The following SLC45A4 variants were observed in gnomAD, a reference collection of about 807,000 sequenced individuals.
SLC45A4 encodes polyamine-transporter SLC45A4.
Under a neutral mutation model 63.7 loss-of-function variants are expected in SLC45A4, and 32 were observed. The observed-to-expected ratio is 0.50, with a 90% CI of 0.38 to 0.67. SLC45A4 has a LOEUF of 0.67. SLC45A4 is among the 30% of genes least tolerant of loss of function. The probability of loss-of-function intolerance (pLI) is 0.00; values close to 1 mark genes in which losing one functional copy is unlikely to be tolerated. For missense variants in SLC45A4, 1,027 were observed against 1,157.7 expected, an observed-to-expected ratio of 0.89 and a Z score of 1.64; for synonymous variants, 535 against 510.0, an observed-to-expected ratio of 1.05 and a Z score of -0.66.
chr8:141,215,637 G>A lies in SLC45A4; in HGVS notation c.1941+122C>T. Reference sequence around the variant, plus strand: ...TTTGGAAGGGGCCATCTCAGAACCGGAGAGGAAGGAGGGCCATCTGTGTCG... The same window carrying A: ...TTTGGAAGGGGCCATCTCAGAACCGAAGAGGAAGGAGGGCCATCTGTGTCG... On this transcript the variant is annotated intron_variant, in intron 7 of 8. Coordinates refer to ENST00000517878, the MANE Select transcript of SLC45A4 (RefSeq NM_001286646.2). The surrounding 1 kb of genome is among the most constrained non-coding windows in gnomAD (Gnocchi z 4.3). The A allele has an allele frequency of 1.0e-6, 1 of 984,520 alleles. No individual in the cohort carries two copies. The highest frequency in any genetic ancestry group is 1.5e-6 in the Non-Finnish European group (1 of 655,370). 61.0% of individuals were successfully genotyped at this position (984,520 alleles called of 1,614,324 possible).
At chr8:141,283,911 G>A (rs537732427) in intron 1 of SLC45A4, among the ~76,000 whole-genome samples, 21 of 152,254 alleles carry the variant, frequency 1.4e-4, no homozygotes, top group Non-Finnish European at 2.4e-4. Context: ...TGAGCTCTAC[G>A]GAAGGAGAGT....
At chr8:141,264,411 G>A (rs1488323429) in intron 1 of SLC45A4, among the ~76,000 whole-genome samples, 3 of 152,152 alleles carry the variant, frequency 2.0e-5, no homozygotes, top group Non-Finnish European at 4.4e-5. Context: ...ACCTAGCCGC[G>A]GGAGGCAGAG....
intron 4 of SLC45A4, 117 bp from the exon 5 acceptor site, chr8:141,219,146 G>C (rs1826417551): frequency 8.3e-7 from 1 of 1,199,872 alleles, no homozygotes; most frequent in Admixed American, 2.7e-5. Context: ...ATGGGAGTCA[G>C]GGGCTGGAGA....
At chr8:141,265,874 A>G (rs1563659074) in intron 1 of SLC45A4, among the ~76,000 whole-genome samples, 1 of 152,198 alleles carries the variant, frequency 6.6e-6, no homozygotes, top group African/African-American at 2.4e-5. Flanking sequence ...GGTGACAACA[A>G]TTTTGTTATG....
Position 141,291,106 on chromosome 8 carries a change from C to T in SLC45A4, c.-401+16990G>A, listed in dbSNP as rs575013661. ...TCAAGTGATCCGCCCACCTTGGCCT[C>T]CCAAAGTGCTGGGGGTGATCCACCC... On this transcript the variant is annotated intron_variant, in intron 1 of 8. Coordinates refer to ENST00000517878, the MANE Select transcript of SLC45A4 (RefSeq NM_001286646.2). 4.6e-4 allele frequency among the ~76,000 whole-genome samples: 70 copies of T among 152,310 alleles called. 1 individual carries two copies. The highest frequency in any genetic ancestry group is 2.6e-3 in the Admixed American group (39 of 15,294).
At chr8:141,285,935 T>C (rs1273779043) in intron 1 of SLC45A4, among the ~76,000 whole-genome samples, 3 of 152,188 alleles carry the variant, frequency 2.0e-5, no homozygotes, top group Admixed American at 6.5e-5. Flanking sequence ...GGGCACCTCC[T>C]TGACACTGTT....
chr8:141,233,209 C>T (rs780376973), intron 2 of SLC45A4, among the ~76,000 whole-genome samples: 1 of 152,188 alleles, frequency 6.6e-6, no homozygotes, highest in African/African-American at 2.4e-5. Context: ...CTGGTTCCAG[C>T]ACACAGCTGG....
chr8:141,236,161 T>C (rs1485968770), intron 2 of SLC45A4, among the ~76,000 whole-genome samples: 2 of 152,164 alleles, frequency 1.3e-5, no homozygotes, highest in Admixed American at 6.5e-5. Context: ...CCTGCCTGCG[T>C]AGAGCCTGCA....
chr8:141,274,923 G>A (rs1286647243), intron 1 of SLC45A4, among the ~76,000 whole-genome samples: 3 of 152,242 alleles, frequency 2.0e-5, no homozygotes, highest in Non-Finnish European at 4.4e-5. Context: ...GGGGCCCCAG[G>A]GGCATTCCGG....
At chr8:141,249,518 C>T (rs1655819709) in intron 2 of SLC45A4, among the ~76,000 whole-genome samples, 1 of 152,164 alleles carries the variant, frequency 6.6e-6, no homozygotes, top group Admixed American at 6.5e-5. Context: ...ACAGGCAGCA[C>T]CATGACAACA....
In SLC45A4 at chr8:141,219,809, G is replaced by C. The variant is rs144863838; in HGVS notation, c.451C>G (p.Pro151Ala). The change falls in exon 4 of 9, where the codon CCC becomes GCC. Residue 151 changes from proline (P) to alanine (A), a missense_variant. Coordinates refer to ENST00000517878, the MANE Select transcript of SLC45A4 (RefSeq NM_001286646.2). ...SAIGLALGDV[P>A]NRQPIGIVLT... ...ACGATGCCAATGGGCTGCCGGTTGG[G>C]GACATCGCCGAGGGCCAGACCTGCG... 124 of 1,587,492 alleles carry C rather than the reference G, an allele frequency of 7.8e-5. 1 individual carries two copies. The South Asian group carries it at 1.3e-3, about 17-fold the overall frequency.
At chr8:141,275,470 C>T (rs1201981589) in intron 1 of SLC45A4, among the ~76,000 whole-genome samples, 5 of 152,110 alleles carry the variant, frequency 3.3e-5, no homozygotes, top group Non-Finnish European at 5.9e-5. Flanking sequence ...TGGTGGCATG[C>T]TCCTGTGGTC....
At chr8:141,292,259 G>T (rs966588173) in intron 1 of SLC45A4, among the ~76,000 whole-genome samples, 1 of 152,236 alleles carries the variant, frequency 6.6e-6, no homozygotes, top group Non-Finnish European at 1.5e-5. Context: ...GCGGCATTCT[G>T]GGCCCGCCAA....
chr8:141,217,180 T>G lies in SLC45A4; in HGVS notation c.1639A>C (p.Asn547His). 1.9e-6 allele frequency: 3 copies of G among 1,613,640 alleles called. No individual in the cohort carries two copies. The Admixed American group carries it at 5.0e-5, about 27-fold the overall frequency. The change falls in exon 6 of 9, where the codon AAC becomes CAC. Residue 547 changes from asparagine to histidine, a missense_variant. Physicochemically the swap from Asn to His is moderately conservative, Grantham distance 68. Coordinates refer to ENST00000517878, the MANE Select transcript of SLC45A4 (RefSeq NM_001286646.2). ...IFEGDPKAPS[N>H]STAWQAYNAG... Reference sequence around the variant, plus strand: ...TTGTAGGCTTGCCAGGCGGTCGAGTTCGAGGGGGCCTGTTCCGGAAATGAG... The same window carrying G: ...TTGTAGGCTTGCCAGGCGGTCGAGTGCGAGGGGGCCTGTTCCGGAAATGAG...
Position 141,254,634 on chromosome 8 carries a change from A to G in SLC45A4, c.-400-5T>C. 1 of 698,926 alleles carries G rather than the reference A, an allele frequency of 1.4e-6. No individual in the cohort carries two copies. Among genetic ancestry groups the G allele is most frequent in the Non-Finnish European group, 2.6e-6 (1 of 382,892 alleles). 43.3% of individuals were successfully genotyped at this position (698,926 alleles called of 1,614,324 possible). A position where few individuals can be genotyped will look rare whatever the true frequency, so the allele number is the denominator to read the frequency against. On this transcript the variant is annotated splice_polypyrimidine_tract_variant and splice_region_variant and intron_variant, in intron 1 of 8. Coordinates refer to ENST00000517878, the MANE Select transcript of SLC45A4 (RefSeq NM_001286646.2). This position sits in a 1 kb window ranked among gnomAD's most constrained non-coding sequence, Gnocchi z 4.5. ...CCCATCGAGTGACTGGATGATCTGCAAAAGAGGAAAACAACCCGGCCAGAG... is the reference window on the plus strand; with the variant it reads ...CCCATCGAGTGACTGGATGATCTGCGAAAGAGGAAAACAACCCGGCCAGAG...
chr8:141,221,324 C>T (rs1051920135), intron 3 of SLC45A4, among the ~76,000 whole-genome samples: 3 of 152,276 alleles, frequency 2.0e-5, no homozygotes, highest in African/African-American at 2.4e-5. Flanking sequence ...GACGTGGTGT[C>T]AGATACGCAT....
rs751490149 is a variant in SLC45A4 at position 141,254,695 on chromosome 8, G to T, written c.-400-66C>A. On this transcript the variant is annotated intron_variant, in intron 1 of 8. Coordinates refer to ENST00000517878, the MANE Select transcript of SLC45A4 (RefSeq NM_001286646.2). This position sits in a 1 kb window ranked among gnomAD's most constrained non-coding sequence, Gnocchi z 4.5. ...CGGCCACCAGATGGCCCTGTGGACC[G>T]CCGCCCGACCCCCGAGCAAGCCGTG... The T allele has an allele frequency of 6.1e-5, 42 of 692,782 alleles. No individual in the cohort carries two copies. The highest frequency in any genetic ancestry group is 6.6e-5 in the Non-Finnish European group (25 of 379,194). The allele number at this position is 692,782 out of a possible 1,614,324, so 42.9% of individuals were successfully genotyped here.
At chr8:141,279,144 C>G (rs1376851676) in intron 1 of SLC45A4, among the ~76,000 whole-genome samples, 2 of 152,266 alleles carry the variant, frequency 1.3e-5, no homozygotes, top group Non-Finnish European at 2.9e-5. Context: ...ACCTCCTTCC[C>G]CCACGCAGCC....
rs1712755665 is a variant in SLC45A4 at position 141,215,829 on chromosome 8, A to G, written c.1871T>C (p.Met624Thr). ...GGAGATGCTCATGGAGACGATGCCC[A>G]TGGTGCTGATGGTGACCATGGCGAC... ...VYVAMVTIST[M>T]GIVSMSISYC... The change falls in exon 7 of 9, where the codon ATG becomes ACG. Residue 624 changes from methionine to threonine, a missense_variant. Transcript: ENST00000517878. The surrounding 1 kb of genome is among the most constrained non-coding windows in gnomAD (Gnocchi z 4.3). The G allele has an allele frequency of 6.2e-7, 1 of 1,614,116 alleles. No homozygotes were observed. The highest frequency in any genetic ancestry group is 1.3e-5 in the African/African-American group (1 of 75,032).
Sources: allele counts gnomAD v4.1 joint callset (sites outside exome capture counted in the v4.1 genomes callset), GRCh38; gene constraint gnomAD v4.1.1; non-coding constraint Gnocchi (gnomAD v3.1); transcripts MANE v1.5; gene names NCBI Gene and HGNC (gene_info 2026-07-23, HGNC 2026-07-21).